The following ATP9B variants were observed in gnomAD, a reference collection of about 807,000 sequenced individuals.
The protein encoded by ATP9B is probable phospholipid-transporting ATPase IIB.
A neutral mutation model predicts 146.1 loss-of-function variants in ATP9B; 110 were observed. The observed-to-expected ratio is 0.75, with a 90% CI of 0.65 to 0.88. The LOEUF (loss-of-function observed/expected upper bound fraction) is 0.88, where lower values mean the gene tolerates loss of function less well. Ranked by LOEUF, ATP9B falls within the 40% of genes least tolerant of loss-of-function variation. The pLI, the probability that ATP9B is intolerant of heterozygous loss-of-function variation, is 0.00. For missense variants in ATP9B, 1,499 were observed against 1,496.4 expected, an observed-to-expected ratio of 1.00 and a Z score of -0.03; for synonymous variants, 604 against 569.7, an observed-to-expected ratio of 1.06 and a Z score of -0.86.
rs4022379 is a variant in ATP9B at position 79,376,206 on chromosome 18, C to A, written c.3307+780C>A. On this transcript the variant is annotated intron_variant, in intron 29 of 29. Coordinates refer to ENST00000426216, the MANE Select transcript of ATP9B (RefSeq NM_198531.5). The stretch of plus-strand genomic sequence containing the variant: ...ACACACACACACACACACACACACA[C>A]ACACACACAAAACAAAACAAAAAAA... 30 of 940,966 alleles carry A rather than the reference C, an allele frequency of 3.2e-5. 1 individual carries two copies. Among genetic ancestry groups the A allele is most frequent in the Middle Eastern group, 5.4e-4 (1 of 1,836 alleles). The allele number at this position is 940,966 out of a possible 1,614,324, so 58.3% of individuals were successfully genotyped here.
At chr18:79,101,948 T>C (rs528596087) in intron 2 of ATP9B, among the ~76,000 whole-genome samples, 1 of 115,896 alleles carries the variant, frequency 8.6e-6, no homozygotes, top group Non-Finnish European at 1.8e-5. Context: ...TTTATTTTAT[T>C]TTTTTTCTTT....
intron 6 of ATP9B, among the ~76,000 whole-genome samples, chr18:79,152,181 C>T (rs574807876): frequency 3.9e-5 from 6 of 152,258 alleles, no homozygotes; most frequent in East Asian, 1.9e-4. Flanking sequence ...ACAACAGATG[C>T]TGGAGAGGAT....
chr18:79,176,301 A>G (rs2095169139), intron 7 of ATP9B, among the ~76,000 whole-genome samples: 1 of 152,230 alleles, frequency 6.6e-6, no homozygotes, highest in Non-Finnish European at 1.5e-5. Context: ...ATAATAGAAT[A>G]TCTTAGCATG....
chr18:79,340,686 A>C (rs1279944545), intron 19 of ATP9B, among the ~76,000 whole-genome samples: 1 of 152,230 alleles, frequency 6.6e-6, no homozygotes, highest in African/African-American at 2.4e-5. Context: ...CATGTATTAA[A>C]TATCCTGATA....
chr18:79,329,245 C>T lies in ATP9B; in HGVS notation c.1878C>T (p.Cys626=), dbSNP rs2096777354. ...KTPSGQVLSF[C]ILQLFPFTSE... is the part of the protein sequence containing the mutation. ...CCAGTGGCCAGGTCCTCAGCTTCTG[C>T]ATTCTGCAGCTGTTTCCCTTCACCT... Residue 626 remains cysteine (C), a synonymous_variant, in exon 16 of 30, where the codon TGC becomes TGT. Coordinates refer to ENST00000426216, the MANE Select transcript of ATP9B (RefSeq NM_198531.5). The T allele has an allele frequency of 3.1e-6, 5 of 1,612,728 alleles. No individual in the cohort carries two copies. The highest frequency in any genetic ancestry group is 3.4e-6 in the Non-Finnish European group (4 of 1,179,678).
At chr18:79,134,126 C>T (rs1435723138) in intron 5 of ATP9B, among the ~76,000 whole-genome samples, 1 of 152,210 alleles carries the variant, frequency 6.6e-6, no homozygotes, top group African/African-American at 2.4e-5. Flanking sequence ...TCTGTGATTT[C>T]CGAAGTGTGG....
At chr18:79,217,481 G>A (rs889303911) in intron 11 of ATP9B, among the ~76,000 whole-genome samples, 13 of 152,344 alleles carry the variant, frequency 8.5e-5, no homozygotes, top group African/African-American at 1.9e-4. Flanking sequence ...ACTGCGCCCC[G>A]CCAGATTTGG....
chr18:79,347,176 T>C (rs2096894377), intron 23 of ATP9B, among the ~76,000 whole-genome samples: 1 of 152,216 alleles, frequency 6.6e-6, no homozygotes, highest in African/African-American at 2.4e-5. Context: ...GCCAGCTTTA[T>C]CTGTGTTACT....
chr18:79,281,180 T>C (rs1167866215), intron 13 of ATP9B, among the ~76,000 whole-genome samples: 2 of 152,174 alleles, frequency 1.3e-5, no homozygotes, highest in Admixed American at 6.5e-5. Context: ...AAACACACTT[T>C]CAGAATTCTG....
At chr18:79,072,189 T>C (rs1386093776) in intron 1 of ATP9B, among the ~76,000 whole-genome samples, 1 of 152,100 alleles carries the variant, frequency 6.6e-6, no homozygotes, top group Non-Finnish European at 1.5e-5. Context: ...TTCTTGGGTG[T>C]TTCTCGGAGA....
chr18:79,247,089 A>G (rs184293150), intron 11 of ATP9B, among the ~76,000 whole-genome samples: 2 of 152,310 alleles, frequency 1.3e-5, no homozygotes, highest in Admixed American at 6.5e-5. Context: ...AGTTGAGAAC[A>G]TTTGAAAGAA....
intron 7 of ATP9B, among the ~76,000 whole-genome samples, chr18:79,173,086 C>T (rs1204576811): frequency 2.0e-5 from 3 of 152,192 alleles, no homozygotes; most frequent in African/African-American, 4.8e-5. Context: ...TCCGTTATGG[C>T]TGGCGACGTT....
chr18:79,132,969 A>C (rs1217978843), intron 5 of ATP9B, among the ~76,000 whole-genome samples: 4 of 152,090 alleles, frequency 2.6e-5, no homozygotes, highest in Non-Finnish European at 4.4e-5. Context: ...CTTGTGTTTT[A>C]TTTTCTGATA....
intron 2 of ATP9B, among the ~76,000 whole-genome samples, chr18:79,104,200 C>A (rs988350694): frequency 4.6e-5 from 7 of 152,190 alleles, no homozygotes; most frequent in African/African-American, 1.7e-4. Context: ...CCTAGAGGTA[C>A]ATCACCATGG....
chr18:79,094,898 A>T (rs2074659710), intron 1 of ATP9B, among the ~76,000 whole-genome samples: 1 of 152,186 alleles, frequency 6.6e-6, no homozygotes, highest in South Asian at 2.1e-4. Flanking sequence ...TCCATCGTAC[A>T]CGACATGTAC....
At position 79,239,101 on chromosome 18, in the gene ATP9B, G is replaced by T. The variant is rs772676469; in HGVS notation, c.1108-14280G>T. ...CCCAACCCCCAGTCATCAAAACAACGGGGTCAACTGGGAAGGAAGGATGGC... is the reference window on the plus strand; with the variant it reads ...CCCAACCCCCAGTCATCAAAACAACTGGGTCAACTGGGAAGGAAGGATGGC... On this transcript the variant is annotated intron_variant, in intron 11 of 29. Transcript: ENST00000426216. This position sits in a 1 kb window ranked among gnomAD's most constrained non-coding sequence, Gnocchi z 5.1. Among the ~76,000 whole-genome samples, 1 of 152,104 alleles carries T rather than the reference G, an allele frequency of 6.6e-6. No individual in the cohort carries two copies.
chr18:79,193,100 A>C (rs956735438), intron 8 of ATP9B, 83 bp from the exon 9 acceptor site: 2 of 1,006,902 alleles, frequency 2.0e-6, no homozygotes, highest in African/African-American at 3.3e-5. Flanking sequence ...ATATATGAAC[A>C]ATATTAATCA....
intron 7 of ATP9B, chr18:79,174,310 C>T: frequency 5.1e-6 from 1 of 194,820 alleles, no homozygotes; most frequent in Non-Finnish European, 1.1e-5. Context: ...AGTCTTGCTT[C>T]ATCCGTATGT....
At chr18:79,093,068 T>C (rs1298778444) in intron 1 of ATP9B, among the ~76,000 whole-genome samples, 1 of 152,234 alleles carries the variant, frequency 6.6e-6, no homozygotes, top group African/African-American at 2.4e-5. Flanking sequence ...TGCATTATAC[T>C]GTGAACGTTA....
Sources: allele counts gnomAD v4.1 joint callset (sites outside exome capture counted in the v4.1 genomes callset), GRCh38; gene constraint gnomAD v4.1.1; non-coding constraint Gnocchi (gnomAD v3.1); transcripts MANE v1.5; gene names NCBI Gene and HGNC (gene_info 2026-07-23, HGNC 2026-07-21).